The following GPN1 variants were observed in gnomAD, a reference collection of about 807,000 sequenced individuals.
GPN1 encodes the protein ATP(GTP)-binding protein.
Under a neutral mutation model 55.9 loss-of-function variants are expected in GPN1, and 44 were observed. The observed-to-expected ratio is 0.79, with a 90% CI of 0.62 to 1.01. The LOEUF (loss-of-function observed/expected upper bound fraction) is 1.01. Among genes scored for constraint, GPN1 ranks in the 50% least tolerant of loss-of-function variants. GPN1 has a pLI of 0.00. For synonymous variants in GPN1, 179 were observed against 162.5 expected (o/e 1.10, Z -0.77); for missense variants, 466 against 462.8 (o/e 1.01, Z -0.06).
At position 27,631,875 on chromosome 2, in the gene GPN1, A is replaced by G. The variant is rs867531233; in HGVS notation, c.287A>G (p.Asn96Ser). ...GPNGGIVTSL[N>S]LFATRFDQVM... ...AATGGCGGCATAGTGACCTCACTCA[A>G]TCTCTTTGCTACCAGATTTGATCAG... The change falls in exon 4 of 14, where the codon AAT (asparagine) becomes AGT (serine). Residue 96 changes from asparagine to serine, a missense_variant. Physicochemically the swap from Asn to Ser is conservative, Grantham distance 46. Coordinates refer to ENST00000610189, the MANE Select transcript of GPN1 (RefSeq NM_007266.4). The G allele has an allele frequency of 6.3e-7, 1 of 1,598,994 alleles. No individual in the cohort carries two copies. Among genetic ancestry groups the G allele is most frequent in the Non-Finnish European group, 8.6e-7 (1 of 1,166,236 alleles).
In GPN1 at chr2:27,647,935, A is replaced by C. The variant is rs776385410; in HGVS notation, c.1031A>C (p.Asp344Ala). Residue 344 changes from aspartate (D) to alanine (A), a missense_variant, in exon 13 of 14, where the codon GAC (aspartate) becomes GCC (alanine). Physicochemically the swap from Asp to Ala is moderately radical, Grantham distance 126. Transcript: ENST00000610189. The part of the protein sequence containing the change: ...EEADSDTDDI[D>A]HRVTEESHEE... ...GCAGACAGCGATACTGATGACATTG[A>C]CCACAGAGGTGAGAGGTGGCTGAGG... 2.5e-6 allele frequency: 4 copies of C among 1,599,518 alleles called. No homozygotes were observed. Among genetic ancestry groups the C allele is most frequent in the Non-Finnish European group, 3.4e-6 (4 of 1,166,842 alleles).
intron 11 of GPN1, among the ~76,000 whole-genome samples, chr2:27,641,497 T>C (rs565123164): frequency 1.1e-4 from 16 of 152,360 alleles, no homozygotes; most frequent in Non-Finnish European, 1.6e-4. Flanking sequence ...ATGTATGTTG[T>C]CTGGGTGCGG....
chr2:27,648,450 T>C (rs975194166), intron 13 of GPN1, among the ~76,000 whole-genome samples: 16 of 152,132 alleles, frequency 1.1e-4, no homozygotes, highest in African/African-American at 3.9e-4. Context: ...GCCCAGAAGT[T>C]TGAGGCTATT....
chr2:27,632,793 GA>G lies in GPN1; in HGVS notation c.350+132del, dbSNP rs916788680. On this transcript the variant is annotated intron_variant, in intron 5 of 13. Coordinates refer to ENST00000610189, the MANE Select transcript of GPN1 (RefSeq NM_007266.4). ...AGATTGAGATGAAACCATTAGGAGT[GA>G]AAAAAAAATTGGCAAATCATTAAGA... 409 of 653,480 alleles carry G rather than the reference GA, an allele frequency of 6.3e-4. 1 individual carries two copies. The highest frequency in any genetic ancestry group is 1.2e-3 in the Admixed American group (46 of 37,408). 40.5% of individuals were successfully genotyped at this position (653,480 alleles called of 1,614,324 possible).
intron 3 of GPN1, 70 bp downstream of exon 3, chr2:27,631,136 AG>A: frequency 1.2e-6 from 1 of 836,248 alleles, no homozygotes; most frequent in Non-Finnish European, 2.1e-6. Flanking sequence ...GTGGCTTGAA[AG>A]AGTGTTTTTG....
rs1414155992 is a variant in GPN1, at chr2:27,634,839, G to C, written c.351-7G>C. On this transcript the variant is annotated splice_polypyrimidine_tract_variant and splice_region_variant and intron_variant, in intron 5 of 13. Coordinates refer to ENST00000610189, the MANE Select transcript of GPN1 (RefSeq NM_007266.4). ...TAACACTTCTTTAATGATCTTTCTT[G>C]ACATAGATATGTGTTGATTGACACA... 6.7e-7 allele frequency: 1 copy of C among 1,485,868 alleles called. No individual in the cohort carries two copies. Among genetic ancestry groups the C allele is most frequent in the African/African-American group, 1.4e-5 (1 of 72,424 alleles). 92.0% of individuals were successfully genotyped at this position (1,485,868 alleles called of 1,614,324 possible).
At chr2:27,633,261 G>A (rs1673617441) in intron 5 of GPN1, among the ~76,000 whole-genome samples, 1 of 152,176 alleles carries the variant, frequency 6.6e-6, no homozygotes, top group African/African-American at 2.4e-5. Context: ...ACAGATAGAA[G>A]GATGAATGGA....
intron 4 of GPN1, 107 bp downstream of exon 4, chr2:27,632,007 T>C: frequency 2.7e-6 from 2 of 747,798 alleles, no homozygotes; most frequent in Non-Finnish European, 2.4e-6. Context: ...TGAGCATAAA[T>C]ATAGAAAATA....
chr2:27,629,460 T>G, intron 1 of GPN1: 3 of 1,462,102 alleles, frequency 2.1e-6, no homozygotes, highest in Non-Finnish European at 2.8e-6. Flanking sequence ...ACAAGTAACT[T>G]TAAAGATTAA....
intron 3 of GPN1, 104 bp from the exon 4 acceptor site, chr2:27,631,730 T>C: frequency 1.3e-6 from 1 of 774,946 alleles, no homozygotes; most frequent in Non-Finnish European, 2.4e-6. Context: ...CAGTATCCAT[T>C]AATGGAACAC....
At chr2:27,637,582 A>G (rs1349804275) in intron 7 of GPN1, among the ~76,000 whole-genome samples, 1 of 152,190 alleles carries the variant, frequency 6.6e-6, no homozygotes, top group Non-Finnish European at 1.5e-5. Context: ...AGCCTTATTG[A>G]GGTATAATTG....
chr2:27,628,531 C>T, upstream of GPN1: 1 of 1,551,448 alleles, frequency 6.4e-7, no homozygotes. Context: ...GGAAAGCTCC[C>T]GTAGTTTATT....
At chr2:27,639,104 C>T (rs1223894485) in intron 9 of GPN1, 73 bp downstream of exon 9, 15 of 1,237,238 alleles carry the variant, frequency 1.2e-5, no homozygotes, top group South Asian at 6.1e-5. Flanking sequence ...GGCTTTGAAC[C>T]TGGCTGAGAA....
chr2:27,632,925 A>C (rs535383237), intron 5 of GPN1, among the ~76,000 whole-genome samples: 1 of 152,348 alleles, frequency 6.6e-6, no homozygotes, highest in South Asian at 2.1e-4. Flanking sequence ...GTCCCAATTC[A>C]GTTGTCCACC....
chr2:27,636,159 T>C (rs1368372120), intron 7 of GPN1, among the ~76,000 whole-genome samples: 2 of 152,036 alleles, frequency 1.3e-5, no homozygotes, highest in Non-Finnish European at 2.9e-5. Context: ...AAGGTTGGAG[T>C]GAGCTGTGAT....
At chr2:27,644,591 G>A (rs564905864) in intron 12 of GPN1, among the ~76,000 whole-genome samples, 3 of 151,448 alleles carry the variant, frequency 2.0e-5, no homozygotes, top group South Asian at 2.1e-4. Context: ...TGAGATCCCC[G>A]ATTAATTTAG....
chr2:27,632,608 T>G, intron 4 of GPN1, 25 bp from the exon 5 acceptor site: 2 of 1,566,868 alleles, frequency 1.3e-6, no homozygotes, highest in Non-Finnish European at 1.8e-6. Flanking sequence ...CGGAATTTGT[T>G]GTCATTGACA....
At chr2:27,629,739 G>A in intron 1 of GPN1, 120 bp from the exon 2 acceptor site, 1 of 670,882 alleles carries the variant, frequency 1.5e-6, no homozygotes, top group Non-Finnish European at 2.7e-6. Flanking sequence ...GGACATGGTG[G>A]ATATTTCAGG....
chr2:27,637,048 C>T (rs1673761077), intron 7 of GPN1, among the ~76,000 whole-genome samples: 1 of 151,914 alleles, frequency 6.6e-6, no homozygotes, highest in African/African-American at 2.4e-5. Context: ...GGCGCCAACC[C>T]CTGCAGAGAC....
Sources: gnomAD v4.1 joint callset for allele counts (sites outside exome capture counted in the v4.1 genomes callset) on GRCh38, gnomAD v4.1.1 for gene constraint, MANE v1.5 for transcripts, NCBI Gene and HGNC (gene_info 2026-07-23, HGNC 2026-07-21) for gene names.